The following RNF103 variants were observed in gnomAD, a reference collection of about 807,000 sequenced individuals.
The protein encoded by RNF103 is E3 ubiquitin-protein ligase RNF103.
RNF103 carries 23 observed loss-of-function variants against 66.2 expected under a neutral mutation model. The observed-to-expected ratio is 0.35, with a 90% CI of 0.25 to 0.49. RNF103 has a LOEUF of 0.49. RNF103 is among the 20% of genes least tolerant of loss of function. The probability of loss-of-function intolerance (pLI) is 0.98; values close to 1 mark genes in which losing one functional copy is unlikely to be tolerated. For missense variants in RNF103, 730 were observed against 814.7 expected, an observed-to-expected ratio of 0.90 and a Z score of 1.27; for synonymous variants, 297 against 289.9, an observed-to-expected ratio of 1.02 and a Z score of -0.25.
rs922164512 is a variant in RNF103, at chr2:86,616,473, A to T, written c.366+3857T>A. ...TGTATTCTTACATAGAATTTATAAA[A>T]TTTTTTACCAATACAAAATATAAGA... On this transcript the variant is annotated intron_variant, in intron 2 of 3. Transcript: ENST00000237455. 7.2e-6 allele frequency: 7 copies of T among 966,000 alleles called. No homozygotes were observed. In the East Asian group the frequency reaches 5.7e-4, roughly 79 times the overall value. The allele number at this position is 966,000 out of a possible 1,614,324, so 59.8% of individuals were successfully genotyped here.
intron 2 of RNF103, among the ~76,000 whole-genome samples, chr2:86,615,711 T>C (rs2577082): frequency 0.98 from 149,553 of 152,034 alleles, 73,570 homozygotes; most frequent in East Asian, 1. Flanking sequence ...GGAACATTTT[T>C]AAAGACTACA....
In RNF103 at chr2:86,623,782, A is replaced by C. The variant is rs2104275991; in HGVS notation, c.-896T>G. 1 of 1,282,440 alleles carries C rather than the reference A, an allele frequency of 7.8e-7. No homozygotes were observed. Among genetic ancestry groups the C allele is most frequent in the African/African-American group, 1.6e-5 (1 of 64,318 alleles). 79.4% of individuals were successfully genotyped at this position (1,282,440 alleles called of 1,614,324 possible). A position where few individuals can be genotyped will look rare whatever the true frequency, so the allele number is the denominator to read the frequency against. ...GTGCCGGTCGCAGCACCCGTCCCCA[A>C]CACCCCCGCCACCTCCGGAGACCGC... On this transcript the variant is annotated 5_prime_UTR_variant, in exon 1 of 4. Coordinates refer to ENST00000237455, the MANE Select transcript of RNF103 (RefSeq NM_005667.4).
chr2:86,607,078 T>C (rs998453973), intron 3 of RNF103, among the ~76,000 whole-genome samples: 1 of 152,310 alleles, frequency 6.6e-6, no homozygotes, highest in African/African-American at 2.4e-5. Context: ...TATTTTTTTT[T>C]CCAAAACCTA....
intron 2 of RNF103, among the ~76,000 whole-genome samples, chr2:86,619,801 G>A (rs1679155768): frequency 6.6e-6 from 1 of 152,034 alleles, no homozygotes; most frequent in Non-Finnish European, 1.5e-5. Context: ...ATAAAAACAA[G>A]GGTTAAAAAT....
chr2:86,604,174 C>A lies in RNF103; in HGVS notation c.1727G>T (p.Cys576Phe). The A allele has an allele frequency of 3.1e-6, 5 of 1,613,736 alleles. No individual in the cohort carries two copies. The highest frequency in any genetic ancestry group is 4.2e-6 in the Non-Finnish European group (5 of 1,180,030). Residue 576 changes from cysteine (C) to phenylalanine (F), a missense_variant, in exon 4 of 4, where the codon TGT becomes TTT. By Grantham distance (205) the Cys-to-Phe change is radical (BLOSUM62 -2). Coordinates refer to ENST00000237455, the MANE Select transcript of RNF103 (RefSeq NM_005667.4). ...CTGACAATATTTATTGGCACATGAA[C>A]AAGCCTCAGCATCACAGTGACTTGC... ...GTASHCDAEACSCANKYCQTS... is the reference protein window; with the variant it reads ...GTASHCDAEAFSCANKYCQTS...
chr2:86,603,742 C>T lies in RNF103; in HGVS notation c.*101G>A. ...ATAATGTGTATTTCCCGTCACTGCA[C>T]TAACATTAAACTAAACTTCAAACCA... On this transcript the variant is annotated 3_prime_UTR_variant, in exon 4 of 4. Coordinates refer to ENST00000237455, the MANE Select transcript of RNF103 (RefSeq NM_005667.4). 1 of 1,471,758 alleles carries T rather than the reference C, an allele frequency of 6.8e-7. No homozygotes were observed. The highest frequency in any genetic ancestry group is 2.3e-5 in the East Asian group (1 of 43,936). The allele number at this position is 1,471,758 out of a possible 1,614,324, so 91.2% of individuals were successfully genotyped here.
In RNF103 at chr2:86,623,007, C is replaced by A. The variant is rs1679293214; in HGVS notation, c.-121G>T. 3.2e-5 allele frequency: 44 copies of A among 1,376,190 alleles called. 2 individuals carry two copies. In the South Asian group the frequency reaches 7.0e-4, roughly 22 times the overall value. 85.2% of individuals were successfully genotyped at this position (1,376,190 alleles called of 1,614,324 possible). ...GGCCCCGTGTCCACGCGCGGGCCAC[C>A]CGGCGCCGTCACTGGCCGGCCATCC... On this transcript the variant is annotated 5_prime_UTR_variant, in exon 1 of 4. Transcript: ENST00000237455.
chr2:86,618,317 G>C (rs985197685), intron 2 of RNF103: 2 of 190,928 alleles, frequency 1.0e-5, no homozygotes, highest in Non-Finnish European at 2.2e-5. Context: ...TATTTATTTG[G>C]TGTCTGCCTC....
intron 2 of RNF103, chr2:86,617,993 C>T: frequency 2.1e-6 from 1 of 470,176 alleles, no homozygotes; most frequent in South Asian, 1.5e-5. Flanking sequence ...CAGTGGTGGT[C>T]AATGCAAACC....
In RNF103 at chr2:86,623,741, C is replaced by A; in HGVS notation, c.-855G>T. 2 of 1,273,316 alleles carry A rather than the reference C, an allele frequency of 1.6e-6. No individual in the cohort carries two copies. The highest frequency in any genetic ancestry group is 2.4e-5 in the Admixed American group (1 of 42,024). The allele number at this position is 1,273,316 out of a possible 1,614,324, so 78.9% of individuals were successfully genotyped here. On this transcript the variant is annotated 5_prime_UTR_variant, in exon 1 of 4. Coordinates refer to ENST00000237455, the MANE Select transcript of RNF103 (RefSeq NM_005667.4). ...TGCCTCCCGGCCACTCAGCGCCCGT[C>A]CCGCTCGGATGGGCAGTGCCGGTCG...
chr2:86,609,889 C>A (rs1678724463), intron 3 of RNF103, among the ~76,000 whole-genome samples: 1 of 152,114 alleles, frequency 6.6e-6, no homozygotes, highest in South Asian at 2.1e-4. Flanking sequence ...GATGATGACT[C>A]AATTATTCAA....
At chr2:86,616,910 C>G (rs1679045187) in intron 2 of RNF103, 1 of 985,358 alleles carries the variant, frequency 1.0e-6, no homozygotes, top group African/African-American at 1.7e-5. Context: ...ATCTGCCTCT[C>G]TGACCAAGGG....
At chr2:86,617,694 G>C (rs1235693191) in intron 2 of RNF103, 1 of 990,600 alleles carries the variant, frequency 1.0e-6, no homozygotes, top group Non-Finnish European at 1.2e-6. Context: ...CTTTACAATA[G>C]ATTAATATAT....
Position 86,622,926 on chromosome 2 carries a change from A to G in RNF103, c.-40T>C. The stretch of plus-strand genomic sequence containing the variant: ...CCTCTCTTTCCAGAGAGCTCGGAAT[A>G]CGGGAGAGAGAAGGGTCGAGGGCGG... On this transcript the variant is annotated 5_prime_UTR_variant, in exon 1 of 4. Transcript: ENST00000237455. The G allele has an allele frequency of 6.4e-7, 1 of 1,553,148 alleles. No homozygotes were observed. Among genetic ancestry groups the G allele is most frequent in the Non-Finnish European group, 8.7e-7 (1 of 1,148,492 alleles).
intron 1 of RNF103, 56 bp from the exon 2 acceptor site, chr2:86,620,525 T>G: frequency 6.9e-7 from 1 of 1,457,738 alleles, no homozygotes; most frequent in South Asian, 1.5e-5. Flanking sequence ...AGATTCCCAA[T>G]TTCAGTAATT....
In RNF103 at chr2:86,623,095, C is replaced by G. The variant is rs1005068611; in HGVS notation, c.-209G>C. The G allele has an allele frequency of 1.6e-6, 2 of 1,267,920 alleles. No homozygotes were observed. The highest frequency in any genetic ancestry group is 4.4e-5 in the Admixed American group (1 of 22,654). 78.5% of individuals were successfully genotyped at this position (1,267,920 alleles called of 1,614,324 possible). A position where few individuals can be genotyped will look rare whatever the true frequency, so the allele number is the denominator to read the frequency against. ...GAGGCGGCGACGAGGGACGCAGAGA[C>G]GCAGAGCCTCGCGCCGGGCCTCCCA... is the stretch of plus-strand genomic sequence containing the variant. On this transcript the variant is annotated 5_prime_UTR_variant, in exon 1 of 4. Transcript: ENST00000237455.
intron 2 of RNF103, chr2:86,617,647 C>A: frequency 1.0e-6 from 1 of 983,660 alleles, no homozygotes; most frequent in Non-Finnish European, 1.2e-6. Flanking sequence ...AAAATAACAA[C>A]AATTCAAATT....
intron 3 of RNF103, among the ~76,000 whole-genome samples, chr2:86,610,227 G>A (rs1036477413): frequency 2.0e-5 from 3 of 152,118 alleles, no homozygotes; most frequent in African/African-American, 4.8e-5. Context: ...CAACAAAAAA[G>A]CAAAAAGTTA....
At chr2:86,607,218 A>G (rs1055908682) in intron 3 of RNF103, among the ~76,000 whole-genome samples, 9 of 152,194 alleles carry the variant, frequency 5.9e-5, no homozygotes, top group African/African-American at 2.2e-4. Flanking sequence ...GCATTTTGCT[A>G]CTCAGAATAT....
Sources: gnomAD v4.1 joint callset for allele counts (sites outside exome capture counted in the v4.1 genomes callset) on GRCh38, gnomAD v4.1.1 for gene constraint, MANE v1.5 for transcripts, NCBI Gene and HGNC (gene_info 2026-07-23, HGNC 2026-07-21) for gene names.